The following LGSN variants were observed in gnomAD, a reference collection of about 807,000 sequenced individuals.
LGSN encodes the protein lengsin, lens protein with glutamine synthetase domain.
LGSN carries 21 observed loss-of-function variants against 19.5 expected under a neutral mutation model. The observed-to-expected ratio is 1.07, with a 90% confidence interval of 0.76 to 1.55. LGSN has a LOEUF of 1.55. Ranked by LOEUF, LGSN falls within the 40% of genes most tolerant of loss-of-function variation. LGSN has a pLI of 0.00. For missense variants in LGSN, 673 were observed against 608.5 expected, an observed-to-expected ratio of 1.11 and a Z score of -1.12; for synonymous variants, 257 against 215.6, an observed-to-expected ratio of 1.19 and a Z score of -1.68.
chr6:63,324,808 T>TA (rs113742163), upstream of LGSN, among the ~76,000 whole-genome samples: 14,167 of 140,876 alleles, frequency 0.1, 886 homozygotes, highest in East Asian at 0.18. Flanking sequence ...AACACCTACA[T>TA]AAAAAAAAAA....
the LGSN span, among the ~76,000 whole-genome samples, chr6:63,337,195 T>G: frequency 4.6e-5 from 7 of 152,126 alleles, no homozygotes; most frequent in South Asian, 2.1e-4. Flanking sequence ...AGTGCTGGGA[T>G]TACAGGTGTG....
the LGSN span, among the ~76,000 whole-genome samples, chr6:63,437,211 G>A: frequency 6.7e-6 from 1 of 148,758 alleles, no homozygotes; most frequent in Non-Finnish European, 1.5e-5. Flanking sequence ...AGAAAGAGAG[G>A]AAAGGGAAAG....
the LGSN span, among the ~76,000 whole-genome samples, chr6:63,427,258 G>T: frequency 2.0e-5 from 3 of 152,064 alleles, no homozygotes; most frequent in African/African-American, 7.2e-5. Context: ...TGGCCAGGCT[G>T]GTCTTGAACT....
intron 1 of LGSN, among the ~76,000 whole-genome samples, chr6:63,299,663 T>G (rs1315531540): frequency 1.3e-5 from 2 of 152,168 alleles, no homozygotes; most frequent in Admixed American, 6.5e-5. Context: ...TTCTGAAAAT[T>G]TTAACTTCTG....
chr6:63,323,921 G>C (rs749901891), upstream of LGSN, among the ~76,000 whole-genome samples: 1 of 151,392 alleles, frequency 6.6e-6, no homozygotes, highest in Non-Finnish European at 1.5e-5. Context: ...ACAGGCACCC[G>C]CCACCACACC....
At chr6:63,378,616 C>A in the LGSN span, among the ~76,000 whole-genome samples, 16 of 151,950 alleles carry the variant, frequency 1.1e-4, no homozygotes, top group Non-Finnish European at 1.8e-4. Flanking sequence ...GGGAAGGCAA[C>A]GGAAAGGCAC....
the LGSN span, among the ~76,000 whole-genome samples, chr6:63,453,613 A>G: frequency 1.3e-5 from 2 of 151,792 alleles, no homozygotes; most frequent in Admixed American, 1.3e-4. Context: ...TGCATGGTAT[A>G]TTGTTTTCTG....
the LGSN span, among the ~76,000 whole-genome samples, chr6:63,536,123 A>G: frequency 1.8e-4 from 27 of 152,082 alleles, no homozygotes; most frequent in African/African-American, 6.3e-4. Context: ...CCTGAGGCCA[A>G]CAGTTCCAGA....
chr6:63,453,102 T>C, the LGSN span, among the ~76,000 whole-genome samples: 3 of 152,200 alleles, frequency 2.0e-5, no homozygotes, highest in African/African-American at 7.2e-5. Context: ...ATTTTTAATA[T>C]ATCTTTCTGT....
chr6:63,335,342 C>T, the LGSN span, among the ~76,000 whole-genome samples: 1 of 152,000 alleles, frequency 6.6e-6, no homozygotes, highest in African/African-American at 2.4e-5. Flanking sequence ...ATAGGAAAAA[C>T]TCTTCAAGAC....
the LGSN span, among the ~76,000 whole-genome samples, chr6:63,471,192 G>T: frequency 2.7e-5 from 4 of 150,000 alleles, no homozygotes; most frequent in African/African-American, 4.9e-5. Context: ...TAGTCAAGCT[G>T]GTCTCAAATT....
the LGSN span, among the ~76,000 whole-genome samples, chr6:63,366,492 A>T: frequency 6.6e-6 from 1 of 152,262 alleles, no homozygotes; most frequent in African/African-American, 2.4e-5. Flanking sequence ...AAGAATCTGT[A>T]TCATGAAAAT....
At chr6:63,511,120 C>T in the LGSN span, among the ~76,000 whole-genome samples, 1 of 152,272 alleles carries the variant, frequency 6.6e-6, no homozygotes, top group African/African-American at 2.4e-5. Context: ...AACACAAGTG[C>T]CTGGTTCTAC....
chr6:63,452,727 C>G, the LGSN span, among the ~76,000 whole-genome samples: 1 of 150,900 alleles, frequency 6.6e-6, no homozygotes, highest in African/African-American at 2.4e-5. Context: ...TTGTATTGAT[C>G]TTTGCAAAGA....
the LGSN span, among the ~76,000 whole-genome samples, chr6:63,531,202 G>A: frequency 6.6e-6 from 1 of 152,198 alleles, no homozygotes; most frequent in Admixed American, 6.5e-5. Context: ...CCTGCTTCCT[G>A]GTTCACAGCC....
the LGSN span, among the ~76,000 whole-genome samples, chr6:63,448,397 G>A: frequency 4.6e-5 from 7 of 151,876 alleles, no homozygotes; most frequent in Admixed American, 2.6e-4. Flanking sequence ...TTTACTAAAC[G>A]TCATATGAAA....
At chr6:63,406,965 C>T in the LGSN span, among the ~76,000 whole-genome samples, 2,313 of 152,254 alleles carry the variant, frequency 0.015, 60 homozygotes, top group African/African-American at 0.053. Context: ...TACACCCTCC[C>T]AAGACTAAAC....
At chr6:63,480,851 AT>A in the LGSN span, among the ~76,000 whole-genome samples, 1 of 149,632 alleles carries the variant, frequency 6.7e-6, no homozygotes, top group East Asian at 1.9e-4. Flanking sequence ...TTGCACACAT[AT>A]TTTTATAGCA....
the LGSN span, among the ~76,000 whole-genome samples, chr6:63,506,684 C>A: frequency 0.54 from 81,520 of 152,048 alleles, 23,687 homozygotes; most frequent in African/African-American, 0.77. Context: ...TTTAAGAGAA[C>A]GGGCATACAT....
Sources: allele counts gnomAD v4.1 joint callset (sites outside exome capture counted in the v4.1 genomes callset), GRCh38; gene constraint gnomAD v4.1.1; transcripts MANE v1.5; gene names NCBI Gene and HGNC (gene_info 2026-07-23, HGNC 2026-07-21).